BLTP1: variants seen among roughly 807,000 people sequenced by gnomAD.
BLTP1 encodes the protein bridge-like lipid transfer protein family member 1, also known as fragile site-associated protein.
chr4:122,312,688 A>G, the BLTP1 span: 80 of 227,410 alleles, frequency 3.5e-4, no homozygotes, highest in Non-Finnish European at 5.1e-4. Flanking sequence ...AATAACAAGT[A>G]GATCCTCTCT....
the BLTP1 span, chr4:122,256,942 A>C: frequency 5.8e-6 from 1 of 172,800 alleles, no homozygotes; most frequent in Non-Finnish European, 1.1e-5. Context: ...AAATAAGTAA[A>C]GTTGATTGAA....
At chr4:122,349,806 T>C in the BLTP1 span, 1 of 1,591,046 alleles carries the variant, frequency 6.3e-7, no homozygotes, top group East Asian at 2.2e-5. This position sits in a 1 kb window ranked among gnomAD's most constrained non-coding sequence, Gnocchi z 4.5. Flanking sequence ...TCTTGTACTT[T>C]TTGAGTATCT....
chr4:122,342,323 G>T, the BLTP1 span, among the ~76,000 whole-genome samples: 1 of 151,878 alleles, frequency 6.6e-6, no homozygotes, highest in African/African-American at 2.4e-5. Flanking sequence ...CCAGGTTTTG[G>T]TTGAGCTATT....
At chr4:122,218,997 A>G in the BLTP1 span, 1 of 204,048 alleles carries the variant, frequency 4.9e-6, no homozygotes, top group African/African-American at 2.4e-5. Context: ...TTGCCTGAGA[A>G]CTCTGAGGAG....
chr4:122,331,813 A>T, the BLTP1 span: 69 of 946,654 alleles, frequency 7.3e-5, no homozygotes, highest in Non-Finnish European at 8.1e-5. Context: ...TTTAACACAC[A>T]TGAATTTCTC....
chr4:122,254,748 T>G, the BLTP1 span: 2 of 1,431,220 alleles, frequency 1.4e-6, no homozygotes, highest in East Asian at 2.5e-5. Context: ...TATGGGAGAT[T>G]GTTTGGAATA....
chr4:122,299,907 C>T, the BLTP1 span: 1 of 984,918 alleles, frequency 1.0e-6, no homozygotes, highest in Non-Finnish European at 1.2e-6. Context: ...AGAAGGATAG[C>T]TCAGAGAGGA....
At chr4:122,232,092 C>T in the BLTP1 span, 4 of 985,318 alleles carry the variant, frequency 4.1e-6, no homozygotes, top group African/African-American at 1.7e-5. Context: ...TCAGGTGACT[C>T]GAGTTGCTCC....
chr4:122,299,018 A>G, the BLTP1 span: 7 of 985,418 alleles, frequency 7.1e-6, no homozygotes, highest in Non-Finnish European at 8.4e-6. Flanking sequence ...GCGTTCAGGA[A>G]AAGACTGAGG....
the BLTP1 span, chr4:122,347,009 T>C: frequency 1.3e-6 from 1 of 767,408 alleles, no homozygotes; most frequent in Non-Finnish European, 1.6e-6. Flanking sequence ...ATATAGTTTA[T>C]TCTATAACTA....
At chr4:122,294,674 A>G in the BLTP1 span, among the ~76,000 whole-genome samples, 1 of 152,194 alleles carries the variant, frequency 6.6e-6, no homozygotes, top group Admixed American at 6.5e-5. Flanking sequence ...CAATCCAAAA[A>G]TGCTGAAAAC....
At chr4:122,319,125 T>A in the BLTP1 span, among the ~76,000 whole-genome samples, 1 of 152,256 alleles carries the variant, frequency 6.6e-6, no homozygotes, top group East Asian at 1.9e-4. Flanking sequence ...TTTTCTTAGT[T>A]GTCCTGGCTA....
the BLTP1 span, chr4:122,336,861 T>C: frequency 6.3e-7 from 1 of 1,587,082 alleles, no homozygotes; most frequent in South Asian, 1.2e-5. Context: ...TAATAAAACT[T>C]AACCAAATAT....
At chr4:122,171,719 A>C in the BLTP1 span, 12 of 558,508 alleles carry the variant, frequency 2.1e-5, no homozygotes, top group Non-Finnish European at 2.5e-5. Flanking sequence ...GAATATAAGT[A>C]GAGATGAAGT....
At chr4:122,354,646 A>T in the BLTP1 span, among the ~76,000 whole-genome samples, 5 of 149,808 alleles carry the variant, frequency 3.3e-5, no homozygotes, top group African/African-American at 1.0e-4. Flanking sequence ...AATGTTTTAC[A>T]TAAAAATGAC....
At chr4:122,295,275 ACT>A in the BLTP1 span, among the ~76,000 whole-genome samples, 24,509 of 151,904 alleles carry the variant, frequency 0.16, 2,638 homozygotes, top group Non-Finnish European at 0.22. Flanking sequence ...CCAGTAAGAC[ACT>A]CCACGAGAAG....
At chr4:122,201,772 C>A in the BLTP1 span, 2 of 626,810 alleles carry the variant, frequency 3.2e-6, no homozygotes, top group Admixed American at 6.3e-5. Flanking sequence ...TTGCCAGGGT[C>A]AGTTGGCTGT....
the BLTP1 span, chr4:122,152,378 C>T: frequency 9.0e-5 from 89 of 985,872 alleles, no homozygotes; most frequent in East Asian, 2.3e-4. Context: ...CTCCTCCGCC[C>T]CCTTGGGTGT....
At chr4:122,217,889 C>G in the BLTP1 span, among the ~76,000 whole-genome samples, 1 of 151,960 alleles carries the variant, frequency 6.6e-6, no homozygotes, top group Non-Finnish European at 1.5e-5. Flanking sequence ...TTCTCTCTCA[C>G]TGTTTGTTAT....
Sources: gnomAD v4.1 joint callset for allele counts (sites outside exome capture counted in the v4.1 genomes callset) on GRCh38, gnomAD v4.1.1 for gene constraint, Gnocchi (gnomAD v3.1) non-coding constraint, MANE v1.5 for transcripts, NCBI Gene and HGNC (gene_info 2026-07-23, HGNC 2026-07-21) for gene names.